The following GLE1 variants were observed in gnomAD, a reference collection of about 807,000 sequenced individuals.
GLE1 encodes the protein mRNA export factor GLE1.
In GLE1, 78 loss-of-function variants were observed where a neutral mutation model predicts 97.3. That is an observed-to-expected ratio of 0.80 (90% CI 0.67 to 0.97). GLE1 has a LOEUF of 0.97. GLE1 is among the 50% of genes least tolerant of loss of function. The probability of loss-of-function intolerance (pLI) is 0.00; values close to 1 mark genes in which losing one functional copy is unlikely to be tolerated. For synonymous variants in GLE1, 302 were observed against 313.4 expected (o/e 0.96, Z 0.39); for missense variants, 753 against 857.5 (o/e 0.88, Z 1.52).
rs1308076031 is a variant in GLE1, at chr9:128,525,231, C to T, written c.937C>T (p.Arg313Ter). 9 of 1,613,946 alleles carry T rather than the reference C, an allele frequency of 5.6e-6. No individual in the cohort carries two copies. Among genetic ancestry groups the T allele is most frequent in the African/African-American group, 1.3e-5 (1 of 74,910 alleles). ...AGCAGAGAGTCAAGCTGAGGCTGAG[C>T]GAGCTCTGCGGGAAATGCGGGACCT... ...PTAESQAEAE[R>*]ALREMRDLLM... The change falls in exon 7 of 16, where the codon CGA becomes TGA. Residue 313 changes from arginine (R) to a stop codon, truncating the protein, a stop_gained. Transcript: ENST00000309971. LOFTEE classifies it high-confidence loss of function.
At chr9:128,529,990 A>G (rs577488307) in intron 9 of GLE1, among the ~76,000 whole-genome samples, 29 of 151,960 alleles carry the variant, frequency 1.9e-4, no homozygotes, top group African/African-American at 6.5e-4. Context: ...GTTAGCCAGG[A>G]TTTCAACGTG....
At chr9:128,530,750 A>T (rs560228196) in intron 9 of GLE1, among the ~76,000 whole-genome samples, 4 of 151,810 alleles carry the variant, frequency 2.6e-5, no homozygotes, top group Non-Finnish European at 5.9e-5. Flanking sequence ...TCTACTAAAA[A>T]TACAAAAAAT....
Position 128,533,601 on chromosome 9 carries a change from A to G in GLE1, c.1401A>G (p.Thr467=). Residue 467 remains threonine, a synonymous_variant, in exon 10 of 16, where the codon ACA becomes ACG. Transcript: ENST00000309971. ...VQSGGRSVSV[T]LNPQGLDFVQ... is the part of the protein sequence containing the mutation. The stretch of plus-strand genomic sequence containing the variant: ...CTGGTGGGCGCTCTGTGTCTGTCAC[A>G]CTTAACCCACAGGGGCTGGACTTTG... 1 of 1,614,062 alleles carries G rather than the reference A, an allele frequency of 6.2e-7. No individual in the cohort carries two copies. The highest frequency in any genetic ancestry group is 8.5e-7 in the Non-Finnish European group (1 of 1,179,938).
At chr9:128,523,541 G>A (rs900701083) in intron 5 of GLE1, 51 bp from the exon 6 acceptor site, 38 of 1,609,838 alleles carry the variant, frequency 2.4e-5, no homozygotes, top group Non-Finnish European at 3.2e-5. Flanking sequence ...ACTGTAGAAA[G>A]AAGAAGCCCA....
chr9:128,520,887 T>A (rs1847133891), intron 3 of GLE1, among the ~76,000 whole-genome samples: 1 of 152,030 alleles, frequency 6.6e-6, no homozygotes, highest in Non-Finnish European at 1.5e-5. Context: ...TTCTGCTTTC[T>A]AAATAACTGG....
In GLE1 at chr9:128,515,605, G is replaced by A. The variant is rs769327507; in HGVS notation, c.398G>A (p.Arg133Gln). The A allele has an allele frequency of 2.9e-5, 47 of 1,601,114 alleles. No homozygotes were observed. Among genetic ancestry groups the A allele is most frequent in the East Asian group, 4.5e-5 (2 of 44,826 alleles). The change falls in exon 3 of 16, where the codon CGA becomes CAA. Residue 133 changes from arginine to glutamine, a missense_variant. Transcript: ENST00000309971. The part of the protein sequence containing the change: ...SRGIKVEGCV[R>Q]MYELVHRMKG... ...GGGATCAAAGTGGAAGGCTGCGTCCGAATGTACGAACTGGTACACAGAATG... is the reference window on the plus strand; with the variant it reads ...GGGATCAAAGTGGAAGGCTGCGTCCAAATGTACGAACTGGTACACAGAATG...
chr9:128,521,312 T>C (rs1169516725), intron 3 of GLE1, among the ~76,000 whole-genome samples: 1 of 152,116 alleles, frequency 6.6e-6, no homozygotes, highest in African/African-American at 2.4e-5. Flanking sequence ...AGTGGGAGGA[T>C]AGCTTGAGAT....
Position 128,504,921 on chromosome 9 carries a change from G to T in GLE1, c.99+17G>T. The stretch of plus-strand genomic sequence containing the variant: ...CGGCGCGAGGTGAGCGGTGGCCCCG[G>T]AGGACGTAGGCCTTTCCGGCCCCTC... On this transcript the variant is annotated intron_variant, in intron 1 of 15. Transcript: ENST00000309971. The T allele has an allele frequency of 6.5e-7, 1 of 1,541,854 alleles. No homozygotes were observed. Among genetic ancestry groups the T allele is most frequent in the African/African-American group, 1.4e-5 (1 of 73,706 alleles).
intron 1 of GLE1, among the ~76,000 whole-genome samples, chr9:128,508,180 C>CA (rs561804495): frequency 0.37 from 27,283 of 74,076 alleles, 3,838 homozygotes; most frequent in East Asian, 0.55. Flanking sequence ...AACTCCATCT[C>CA]AAAAAAAAAA....
At chr9:128,508,323 T>C (rs938427550) in intron 1 of GLE1, among the ~76,000 whole-genome samples, 1 of 152,152 alleles carries the variant, frequency 6.6e-6, no homozygotes, top group South Asian at 2.1e-4. Flanking sequence ...GGAGGATAGC[T>C]TGAGCCCAGG....
intron 15 of GLE1, 64 bp downstream of exon 15, chr9:128,540,402 C>T (rs1847852137): frequency 9.8e-7 from 1 of 1,020,096 alleles, no homozygotes; most frequent in Non-Finnish European, 1.6e-6. Flanking sequence ...CTATGTCTGA[C>T]AAGTCTTGGA....
intron 9 of GLE1, chr9:128,529,028 C>T (rs1254471962): frequency 6.6e-6 from 1 of 152,204 alleles, no homozygotes; most frequent in Non-Finnish European, 1.5e-5. Flanking sequence ...ATTTCAGTTC[C>T]TGCCCTTGAT....
intron 2 of GLE1, among the ~76,000 whole-genome samples, chr9:128,514,130 G>A (rs1372232127): frequency 6.6e-6 from 1 of 151,832 alleles, no homozygotes; most frequent in Non-Finnish European, 1.5e-5. Context: ...CTGAGACTAG[G>A]AGTTTGGGAC....
At chr9:128,536,510 T>C in intron 12 of GLE1, 26 bp downstream of exon 12, 1 of 1,601,988 alleles carries the variant, frequency 6.2e-7, no homozygotes, top group Non-Finnish European at 8.6e-7. Context: ...TTACTGTCAA[T>C]AATGAGAGGT....
Position 128,508,923 on chromosome 9 carries a change from T to G in GLE1, c.147T>G (p.Ser49=). Residue 49 remains serine, a synonymous_variant, in exon 2 of 16, where the codon TCT becomes TCG. Transcript: ENST00000309971. ...CTCTTCCCAAGCTATCTTCTTATTC[T>G]GGATGGGTGGTAGAGCACGTCCTAC... ...CMSLPKLSSY[S]GWVVEHVLPH... is the part of the protein sequence containing the mutation. 6.2e-7 allele frequency: 1 copy of G among 1,611,976 alleles called. No individual in the cohort carries two copies. Among genetic ancestry groups the G allele is most frequent in the Non-Finnish European group, 8.5e-7 (1 of 1,178,028 alleles).
Position 128,522,593 on chromosome 9 carries a change from G to A in GLE1, c.433-75G>A, listed in dbSNP as rs944836828. 23 of 1,473,994 alleles carry A rather than the reference G, an allele frequency of 1.6e-5. No individual in the cohort carries two copies. In the African/African-American group the frequency reaches 3.1e-4, roughly 20 times the overall value. The allele number at this position is 1,473,994 out of a possible 1,614,324, so 91.3% of individuals were successfully genotyped here. ...TTGAACCCGGGAGTTGGAGGTTGCA[G>A]TGAGCTGCACTCCAGCCTGGCGACA... On this transcript the variant is annotated intron_variant, in intron 3 of 15. Coordinates refer to ENST00000309971, the MANE Select transcript of GLE1 (RefSeq NM_001003722.2).
At chr9:128,509,517 G>GT (rs959123502) in intron 2 of GLE1, among the ~76,000 whole-genome samples, 19 of 151,688 alleles carry the variant, frequency 1.3e-4, no homozygotes, top group African/African-American at 3.9e-4. Flanking sequence ...CCCTGCCTCT[G>GT]TTTTTTTGTT....
chr9:128,527,985 T>A (rs1589061069), intron 9 of GLE1, among the ~76,000 whole-genome samples: 1 of 141,126 alleles, frequency 7.1e-6, no homozygotes, highest in East Asian at 2.2e-4. Context: ...AAGAAGACTC[T>A]TTTTTTTTTC....
chr9:128,530,826 A>C (rs533869192), intron 9 of GLE1, among the ~76,000 whole-genome samples: 1 of 147,820 alleles, frequency 6.8e-6, no homozygotes, highest in Non-Finnish European at 1.5e-5. Flanking sequence ...GGAAAATGGC[A>C]TGAACCCGGG....
Sources: allele counts gnomAD v4.1 joint callset (sites outside exome capture counted in the v4.1 genomes callset), GRCh38; gene constraint gnomAD v4.1.1; transcripts MANE v1.5; gene names NCBI Gene and HGNC (gene_info 2026-07-23, HGNC 2026-07-21).